The following PALLD variants were observed in gnomAD, a reference collection of about 807,000 sequenced individuals.
The protein encoded by PALLD is palladin, cytoskeletal associated protein, also known as palladin.
PALLD carries 61 observed loss-of-function variants against 123.5 expected under a neutral mutation model. That is an observed-to-expected ratio of 0.49 (90% confidence interval 0.40 to 0.61). PALLD has a LOEUF of 0.61. Among genes scored for constraint, PALLD ranks in the 20% least tolerant of loss-of-function variants. The probability of loss-of-function intolerance (pLI) is 0.00; values close to 1 mark genes in which losing one functional copy is unlikely to be tolerated. For synonymous variants in PALLD, 465 were observed against 496.4 expected, an observed-to-expected ratio of 0.94 and a Z score of 0.84; for missense variants, 1,273 against 1,377.0, an observed-to-expected ratio of 0.92 and a Z score of 1.20.
At chr4:168,683,147 C>T (rs751337835) in intron 5 of PALLD, 44 bp downstream of exon 5, 1 of 1,076,980 alleles carries the variant, frequency 9.3e-7, no homozygotes, top group Non-Finnish European at 1.4e-6. Flanking sequence ...TCGAACTCAT[C>T]AGCAAACTTG....
chr4:168,709,532 A>G (rs1328932796), intron 9 of PALLD, among the ~76,000 whole-genome samples: 540 of 1,060 alleles, frequency 0.51, 57 homozygotes, highest in African/African-American at 0.53. Context: ...GGAAGGAAGG[A>G]AGGAAGGAAG....
intron 10 of PALLD, among the ~76,000 whole-genome samples, chr4:168,835,051 G>C (rs1744935836): frequency 6.6e-6 from 1 of 152,188 alleles, no homozygotes; most frequent in Non-Finnish European, 1.5e-5. Context: ...TGTTCCAACA[G>C]TTCTTAATTG....
chr4:168,516,824 GC>G (rs1240740055), intron 2 of PALLD, among the ~76,000 whole-genome samples: 2 of 152,210 alleles, frequency 1.3e-5, no homozygotes, highest in African/African-American at 4.8e-5. Flanking sequence ...GAAAATGGTA[GC>G]CTGGCAATTT....
chr4:168,797,393 A>G (rs1404800782), intron 10 of PALLD, among the ~76,000 whole-genome samples: 1 of 152,116 alleles, frequency 6.6e-6, no homozygotes, highest in Non-Finnish European at 1.5e-5. Flanking sequence ...CAGTATAAAC[A>G]GAACTACTCA....
chr4:168,786,645 G>A (rs572177625), intron 10 of PALLD, among the ~76,000 whole-genome samples: 5 of 152,248 alleles, frequency 3.3e-5, no homozygotes, highest in African/African-American at 9.6e-5. Flanking sequence ...ATTCTAGCTT[G>A]GGCAACAGAG....
intron 2 of PALLD, among the ~76,000 whole-genome samples, chr4:168,588,906 A>C (rs1399532309): frequency 2.0e-5 from 3 of 152,242 alleles, no homozygotes; most frequent in African/African-American, 7.2e-5. Context: ...CCTCTATGAA[A>C]TACTCAATTT....
At chr4:168,910,172 C>A (rs1482100280) in intron 15 of PALLD, among the ~76,000 whole-genome samples, 1 of 150,278 alleles carries the variant, frequency 6.7e-6, no homozygotes, top group African/African-American at 2.5e-5. Flanking sequence ...ACCCTGAAAA[C>A]AGTGTAGAAA....
chr4:168,767,077 G>A (rs889878369), intron 10 of PALLD, among the ~76,000 whole-genome samples: 16 of 152,096 alleles, frequency 1.1e-4, no homozygotes, highest in African/African-American at 3.6e-4. Context: ...TTTAAATTAT[G>A]GTCCCTAGAA....
In PALLD at chr4:168,742,032, C is replaced by T. The variant is rs138310350; in HGVS notation, c.1964+30109C>T. Among the ~76,000 whole-genome samples, 327 of 152,312 alleles carry T rather than the reference C, an allele frequency of 2.1e-3. 2 individuals are homozygous for T. The highest frequency in any genetic ancestry group is 7.4e-3 in the African/African-American group (306 of 41,570). On this transcript the variant is annotated intron_variant, in intron 10 of 21. Transcript: ENST00000505667. ...CCCACTTGTTTCTGACTTTCCAGTGCGGGCAAAAGCTGGCAGATCCACCAC... is the reference window on the plus strand; with the variant it reads ...CCCACTTGTTTCTGACTTTCCAGTGTGGGCAAAAGCTGGCAGATCCACCAC...
chr4:168,834,939 A>G (rs1744910610), intron 10 of PALLD, among the ~76,000 whole-genome samples: 1 of 152,198 alleles, frequency 6.6e-6, no homozygotes, highest in African/African-American at 2.4e-5. Context: ...ATTTGAAGCA[A>G]CTAATTATTC....
rs960071840 is a variant in PALLD at position 168,844,346 on chromosome 4, T to C, written c.1965-46576T>C. On this transcript the variant is annotated intron_variant, in intron 10 of 21. Coordinates refer to ENST00000505667, the MANE Select transcript of PALLD (RefSeq NM_001166108.2). The surrounding 1 kb of genome is among the most constrained non-coding windows in gnomAD (Gnocchi z 4.5). Reference sequence around the variant, plus strand: ...AGTGATGCTGGTTATTTACAAAGTATTTTATCTACATTCTGTATTAATTCT... The same window carrying C: ...AGTGATGCTGGTTATTTACAAAGTACTTTATCTACATTCTGTATTAATTCT... 6.6e-6 allele frequency: 1 copy of C among 152,246 alleles called. No individual in the cohort carries two copies. Among genetic ancestry groups the C allele is most frequent in the African/African-American group, 2.4e-5 (1 of 41,464 alleles). 9.4% of individuals were successfully genotyped at this position (152,246 alleles called of 1,614,324 possible).
intron 21 of PALLD, 85 bp from the exon 22 acceptor site, chr4:168,926,128 A>T: frequency 8.6e-7 from 1 of 1,156,206 alleles, no homozygotes; most frequent in Non-Finnish European, 1.2e-6. Flanking sequence ...GCATCTATCT[A>T]GACATTCTGT....
At chr4:168,571,874 T>TA (rs1193358486) in intron 2 of PALLD, among the ~76,000 whole-genome samples, 1 of 152,196 alleles carries the variant, frequency 6.6e-6, no homozygotes, top group Non-Finnish European at 1.5e-5. Flanking sequence ...ATGACTGAGT[T>TA]ACAGCATTTT....
At chr4:168,592,109 G>A (rs972365772) in intron 2 of PALLD, among the ~76,000 whole-genome samples, 2 of 149,100 alleles carry the variant, frequency 1.3e-5, no homozygotes, top group African/African-American at 5.0e-5. Flanking sequence ...CTCCACCTCC[G>A]AGGTTCAAGC....
At chr4:168,502,897 C>A (rs189659847) in intron 1 of PALLD, among the ~76,000 whole-genome samples, 8 of 152,156 alleles carry the variant, frequency 5.3e-5, no homozygotes, top group African/African-American at 1.7e-4. Context: ...GAATGAGACC[C>A]TCACTCAAAA....
chr4:168,716,184 G>C (rs928360994), intron 10 of PALLD, among the ~76,000 whole-genome samples: 2 of 151,994 alleles, frequency 1.3e-5, no homozygotes, highest in Non-Finnish European at 2.9e-5. Flanking sequence ...CCTTTGTCTT[G>C]TGGGAGAAAG....
intron 2 of PALLD, among the ~76,000 whole-genome samples, chr4:168,549,702 C>T (rs1022082186): frequency 6.6e-6 from 1 of 151,502 alleles, no homozygotes; most frequent in African/African-American, 2.4e-5. Context: ...AGATATCCAT[C>T]AAAGGGCTAT....
chr4:168,540,526 A>G (rs1209716882), intron 2 of PALLD, among the ~76,000 whole-genome samples: 1 of 152,072 alleles, frequency 6.6e-6, no homozygotes, highest in Non-Finnish European at 1.5e-5. Context: ...TGATAATTCT[A>G]TTTCAGTTAG....
At chr4:168,919,572 G>GAA (rs1198277536) in intron 17 of PALLD, among the ~76,000 whole-genome samples, 1 of 144,090 alleles carries the variant, frequency 6.9e-6, no homozygotes, top group African/African-American at 2.5e-5. Flanking sequence ...GATAGATCAG[G>GAA]AAAAAAAAAA....
Sources: allele counts gnomAD v4.1 joint callset (sites outside exome capture counted in the v4.1 genomes callset), GRCh38; gene constraint gnomAD v4.1.1; non-coding constraint Gnocchi (gnomAD v3.1); transcripts MANE v1.5; gene names NCBI Gene and HGNC (gene_info 2026-07-23, HGNC 2026-07-21).